ATOSA: variants seen among roughly 807,000 people sequenced by gnomAD.
ATOSA encodes atos homolog protein A.
the ATOSA span, among the ~76,000 whole-genome samples, chr15:52,691,424 C>G: frequency 6.6e-6 from 1 of 152,112 alleles, no homozygotes; most frequent in African/African-American, 2.4e-5. Flanking sequence ...ATAACTGTGG[C>G]TACAGCAGGT....
the ATOSA span, among the ~76,000 whole-genome samples, chr15:52,591,753 A>G: frequency 4.6e-5 from 7 of 152,186 alleles, no homozygotes; most frequent in Non-Finnish European, 1.0e-4. Context: ...TAAGTGTCCA[A>G]AATTAGCAGT....
chr15:52,609,163 T>C, the ATOSA span: 1 of 1,613,564 alleles, frequency 6.2e-7, no homozygotes, highest in Admixed American at 1.7e-5. Context: ...CTGACACTGA[T>C]TTCTTGTTTG....
At chr15:52,695,915 T>C in the ATOSA span, among the ~76,000 whole-genome samples, 1 of 152,044 alleles carries the variant, frequency 6.6e-6, no homozygotes, top group Non-Finnish European at 1.5e-5. Flanking sequence ...CCTTATATGC[T>C]TGTGAAGAGC....
the ATOSA span, among the ~76,000 whole-genome samples, chr15:52,623,685 A>G: frequency 6.6e-6 from 1 of 152,238 alleles, no homozygotes; most frequent in African/African-American, 2.4e-5. Flanking sequence ...GAATTTGACA[A>G]TAAGGAAGTC....
the ATOSA span, chr15:52,611,386 C>T: frequency 5.5e-6 from 7 of 1,271,052 alleles, no homozygotes; most frequent in Non-Finnish European, 6.4e-6. Context: ...AATACACTTA[C>T]GATGTCACTT....
chr15:52,709,003 A>AAGGGGTGGTAAGG, the ATOSA span, among the ~76,000 whole-genome samples: 1 of 152,244 alleles, frequency 6.6e-6, no homozygotes, highest in East Asian at 1.9e-4. Context: ...GTGAATGATG[A>AAGGGGTGGTAAGG]AGGGGTGGTA....
the ATOSA span, among the ~76,000 whole-genome samples, chr15:52,688,378 G>T: frequency 2.6e-5 from 4 of 152,178 alleles, no homozygotes; most frequent in Non-Finnish European, 4.4e-5. Context: ...TAAAGCAATG[G>T]CATCAGGATG....
the ATOSA span, chr15:52,648,866 CCTT>C: frequency 6.6e-6 from 1 of 152,010 alleles, no homozygotes; most frequent in Admixed American, 6.6e-5. Context: ...TTATTATAAA[CCTT>C]CTCTTCAAGT....
At chr15:52,595,123 C>A in the ATOSA span, among the ~76,000 whole-genome samples, 1 of 152,106 alleles carries the variant, frequency 6.6e-6, no homozygotes, top group African/African-American at 2.4e-5. Context: ...CTTTTGTGAC[C>A]AAGCTCAAAT....
chr15:52,646,406 G>A, the ATOSA span, among the ~76,000 whole-genome samples: 1 of 152,188 alleles, frequency 6.6e-6, no homozygotes, highest in Non-Finnish European at 1.5e-5. Context: ...CAAAGGAGGT[G>A]TCATTAGGTC....
the ATOSA span, among the ~76,000 whole-genome samples, chr15:52,620,581 C>A: frequency 3.5e-4 from 53 of 152,156 alleles, 1 homozygote; most frequent in African/African-American, 1.2e-3. Context: ...GGAGTCTAGG[C>A]CTCTTATGCC....
chr15:52,707,894 T>G, the ATOSA span, among the ~76,000 whole-genome samples: 11 of 152,184 alleles, frequency 7.2e-5, no homozygotes, highest in African/African-American at 2.4e-4. Context: ...ATTGTTAAAT[T>G]CATTTGCCTT....
the ATOSA span, among the ~76,000 whole-genome samples, chr15:52,701,076 C>G: frequency 2.6e-5 from 4 of 152,118 alleles, no homozygotes; most frequent in African/African-American, 9.7e-5. Flanking sequence ...AGAGACTATT[C>G]CTATCACATA....
chr15:52,605,789 T>C, the ATOSA span, among the ~76,000 whole-genome samples: 1 of 152,120 alleles, frequency 6.6e-6, no homozygotes, highest in African/African-American at 2.4e-5. Context: ...TATTTCAATT[T>C]GTGAAAAAAC....
chr15:52,669,926 G>A, the ATOSA span, among the ~76,000 whole-genome samples: 1 of 152,104 alleles, frequency 6.6e-6, no homozygotes, highest in Admixed American at 6.5e-5. Flanking sequence ...AAGCAGTTTT[G>A]GGCAACATCT....
chr15:52,597,851 G>A, the ATOSA span, among the ~76,000 whole-genome samples: 2 of 152,182 alleles, frequency 1.3e-5, no homozygotes, highest in African/African-American at 2.4e-5. Flanking sequence ...TTGGCTAGGC[G>A]TGGTGGCTTA....
the ATOSA span, chr15:52,608,604 C>T: frequency 1.3e-6 from 2 of 1,599,374 alleles, no homozygotes; most frequent in Non-Finnish European, 1.7e-6. Context: ...CACATGTAGA[C>T]AAACAGTCTT....
chr15:52,686,632 C>T, the ATOSA span, among the ~76,000 whole-genome samples: 1 of 152,192 alleles, frequency 6.6e-6, no homozygotes, highest in Non-Finnish European at 1.5e-5. Flanking sequence ...CTGCTTCTAT[C>T]AGAACCCCAA....
chr15:52,617,189 C>T, the ATOSA span, among the ~76,000 whole-genome samples: 6 of 150,364 alleles, frequency 4.0e-5, no homozygotes, highest in African/African-American at 1.5e-4. Context: ...AGGGTGGTAA[C>T]GCATGTAGCT....
Sources: allele counts gnomAD v4.1 joint callset (sites outside exome capture counted in the v4.1 genomes callset), GRCh38; gene constraint gnomAD v4.1.1; transcripts MANE v1.5; gene names NCBI Gene and HGNC (gene_info 2026-07-23, HGNC 2026-07-21).